Variants in STYK1 observed in about 807,000 individuals in gnomAD.
STYK1 encodes the protein STY kinase 1, also known as tyrosine-protein kinase STYK1.
A neutral mutation model predicts 48.1 loss-of-function variants in STYK1; 46 were observed. The ratio of observed to expected loss-of-function variants is 0.96; its 90% CI spans 0.75 to 1.22. STYK1 has a LOEUF of 1.22. STYK1 is among the 50% of genes most tolerant of loss of function. The pLI is 0.00. For missense variants in STYK1, 527 were observed against 521.1 expected (o/e 1.01, Z -0.11); for synonymous variants, 188 against 189.0 (o/e 0.99, Z 0.04).
chr12:10,647,612 G>A (rs1354848064), intron 1 of STYK1, among the ~76,000 whole-genome samples: 2 of 152,134 alleles, frequency 1.3e-5, no homozygotes, highest in African/African-American at 2.4e-5. Context: ...CGGTTGGGAA[G>A]GCAATATTGG....
intron 7 of STYK1, among the ~76,000 whole-genome samples, chr12:10,626,871 G>C (rs926686271): frequency 6.6e-6 from 1 of 152,136 alleles, no homozygotes; most frequent in Non-Finnish European, 1.5e-5. Flanking sequence ...GCCGGGCGTG[G>C]TGGTGGGCGC....
At chr12:10,627,077 TCTC>T (rs1350376527) in intron 7 of STYK1, among the ~76,000 whole-genome samples, 3 of 152,208 alleles carry the variant, frequency 2.0e-5, no homozygotes, top group African/African-American at 7.2e-5. Flanking sequence ...ACTGTGCTCT[TCTC>T]ATTCATCCTT....
chr12:10,648,622 T>C (rs2120727870), intron 1 of STYK1, among the ~76,000 whole-genome samples: 1 of 152,108 alleles, frequency 6.6e-6, no homozygotes, highest in East Asian at 1.9e-4. Context: ...TATTTATTTA[T>C]TTATTTATTT....
In STYK1 at chr12:10,637,389, G is replaced by A. The variant is rs564871902; in HGVS notation, c.-194-193C>T. Among the ~76,000 whole-genome samples, 11 of 148,780 alleles carry A rather than the reference G, an allele frequency of 7.4e-5. No homozygotes were observed. The South Asian group carries it at 1.9e-3, about 26-fold the overall frequency. ...GTCTCACTCTGTCGCCCAGGCTGGAGTGCAGTGGCGTGATCTCTGCTCACT... is the reference window on the plus strand; with the variant it reads ...GTCTCACTCTGTCGCCCAGGCTGGAATGCAGTGGCGTGATCTCTGCTCACT... On this transcript the variant is annotated intron_variant, in intron 1 of 10. Coordinates refer to ENST00000075503, the MANE Select transcript of STYK1 (RefSeq NM_018423.3).
At chr12:10,627,766 C>A in intron 6 of STYK1, 42 bp from the exon 7 acceptor site, 1 of 1,526,592 alleles carries the variant, frequency 6.6e-7, no homozygotes, top group Non-Finnish European at 8.9e-7. Flanking sequence ...CAAAATAGCA[C>A]TCACAGATTT....
intron 1 of STYK1, among the ~76,000 whole-genome samples, chr12:10,647,261 C>A (rs1431783004): frequency 6.6e-6 from 1 of 152,254 alleles, no homozygotes; most frequent in Non-Finnish European, 1.5e-5. Flanking sequence ...CCCTGTCAAG[C>A]CTCAGCAGCA....
chr12:10,627,593 C>T lies in STYK1; in HGVS notation c.717+48G>A, dbSNP rs745485409. On this transcript the variant is annotated intron_variant, in intron 7 of 10. Transcript: ENST00000075503. ...GAGAAATATGGCATCAAAAACAAGG[C>T]TAACAAGGAAACGTCACACCATCAG... 3.3e-6 allele frequency: 5 copies of T among 1,528,794 alleles called. No individual in the cohort carries two copies. The Admixed American group carries it at 5.6e-5, about 17-fold the overall frequency. 94.7% of individuals were successfully genotyped at this position (1,528,794 alleles called of 1,614,324 possible).
At chr12:10,622,076 C>T in intron 9 of STYK1, 104 bp from the exon 10 acceptor site, 1 of 938,612 alleles carries the variant, frequency 1.1e-6, no homozygotes, top group Non-Finnish European at 1.7e-6. Context: ...AAAGATATAG[C>T]CATAGGAAAA....
At chr12:10,646,792 A>C (rs892137434) in intron 1 of STYK1, among the ~76,000 whole-genome samples, 12 of 152,192 alleles carry the variant, frequency 7.9e-5, no homozygotes, top group Non-Finnish European at 1.5e-5. Flanking sequence ...TGCTATGTGC[A>C]ATCTAGGGAC....
chr12:10,660,258 A>T (rs1591702142), intron 1 of STYK1, among the ~76,000 whole-genome samples: 1 of 152,156 alleles, frequency 6.6e-6, no homozygotes, highest in East Asian at 1.9e-4. Flanking sequence ...AATCTTCCAG[A>T]TATTACCTTT....
rs374509037 is a variant in STYK1, at chr12:10,672,990, C to A, written c.-195+976G>T. The stretch of plus-strand genomic sequence containing the variant: ...AGCTGTGCTGCACATTACAGTAACT[C>A]GACTCCTTTATTGCCACTACTTCCC... On this transcript the variant is annotated intron_variant, in intron 1 of 10. Coordinates refer to ENST00000075503, the MANE Select transcript of STYK1 (RefSeq NM_018423.3). The surrounding 1 kb of genome is among the most constrained non-coding windows in gnomAD (Gnocchi z 4.0). Among the ~76,000 whole-genome samples the A allele has an allele frequency of 2.6e-5, 4 of 152,176 alleles. No individual in the cohort carries two copies. The East Asian group carries it at 7.7e-4, about 29-fold the overall frequency.
At chr12:10,639,890 C>T (rs748275706) in intron 1 of STYK1, among the ~76,000 whole-genome samples, 12 of 152,134 alleles carry the variant, frequency 7.9e-5, no homozygotes, top group Non-Finnish European at 1.5e-4. Context: ...TCATGGAAAC[C>T]ACAAGGCTGA....
intron 1 of STYK1, among the ~76,000 whole-genome samples, chr12:10,649,181 T>C (rs1947632679): frequency 1.3e-5 from 2 of 151,902 alleles, no homozygotes; most frequent in African/African-American, 2.4e-5. Context: ...GGAGGAGAAA[T>C]AGGTGGAGAT....
At chr12:10,636,408 T>C (rs1947486221) in intron 2 of STYK1, among the ~76,000 whole-genome samples, 1 of 152,214 alleles carries the variant, frequency 6.6e-6, no homozygotes, top group Non-Finnish European at 1.5e-5. Context: ...TTATTCTTAT[T>C]CTTAGAATGG....
intron 1 of STYK1, among the ~76,000 whole-genome samples, chr12:10,646,661 C>T (rs1296559395): frequency 1.3e-5 from 2 of 152,214 alleles, no homozygotes; most frequent in African/African-American, 4.8e-5. Flanking sequence ...ATGTTAATCA[C>T]CAAGACAATG....
intron 1 of STYK1, among the ~76,000 whole-genome samples, chr12:10,652,806 G>C (rs73265916): frequency 0.013 from 1,938 of 152,258 alleles, 51 homozygotes; most frequent in African/African-American, 0.044. Context: ...ATGAACTTTA[G>C]AATAATGCTA....
rs571985520 is a variant in STYK1, at chr12:10,649,007, T to C, written c.-194-11811A>G. ...ATGAAAATTGAGAGCCTGAATGGCA[T>C]TCATAATTTTGACTCTGTAATTTCT... On this transcript the variant is annotated intron_variant, in intron 1 of 10. Coordinates refer to ENST00000075503, the MANE Select transcript of STYK1 (RefSeq NM_018423.3). Among the ~76,000 whole-genome samples, 75 of 152,340 alleles carry C rather than the reference T, an allele frequency of 4.9e-4. No homozygotes were observed. In the Middle Eastern group the frequency reaches 0.01, roughly 21 times the overall value.
intron 1 of STYK1, among the ~76,000 whole-genome samples, chr12:10,655,795 G>T (rs1173676937): frequency 1.3e-5 from 2 of 152,186 alleles, no homozygotes; most frequent in African/African-American, 4.8e-5. Flanking sequence ...GTGTGGCCTG[G>T]CTGAAGTCAG....
At chr12:10,624,572 G>T in intron 8 of STYK1, 79 bp downstream of exon 8, 1 of 1,267,348 alleles carries the variant, frequency 7.9e-7, no homozygotes, top group Non-Finnish European at 1.1e-6. Flanking sequence ...ATACAGAATT[G>T]GCAACAGATC....
Sources: gnomAD v4.1 joint callset for allele counts (sites outside exome capture counted in the v4.1 genomes callset) on GRCh38, gnomAD v4.1.1 for gene constraint, Gnocchi (gnomAD v3.1) non-coding constraint, MANE v1.5 for transcripts, NCBI Gene and HGNC (gene_info 2026-07-23, HGNC 2026-07-21) for gene names.